The following CADPS2 variants were observed in gnomAD, a reference collection of about 807,000 sequenced individuals.
The protein encoded by CADPS2 is calcium dependent secretion activator 2.
A neutral mutation model predicts 172.5 loss-of-function variants in CADPS2; 93 were observed. That is an observed-to-expected ratio of 0.54 (90% CI 0.46 to 0.64). The LOEUF (loss-of-function observed/expected upper bound fraction) is 0.64, where lower values mean the gene tolerates loss of function less well. Ranked by LOEUF, CADPS2 falls within the 30% of genes least tolerant of loss-of-function variation. The pLI is 0.00. For synonymous variants in CADPS2, 546 were observed against 555.2 expected, an observed-to-expected ratio of 0.98 and a Z score of 0.23; for missense variants, 1,420 against 1,565.9, an observed-to-expected ratio of 0.91 and a Z score of 1.57.
At chr7:122,714,975 C>G (rs2089377707) in intron 2 of CADPS2, among the ~76,000 whole-genome samples, 1 of 152,028 alleles carries the variant, frequency 6.6e-6, no homozygotes, top group Non-Finnish European at 1.5e-5. Context: ...GTGGATGAAC[C>G]ACAGGAAGAC....
At chr7:122,348,293 AGATTAGACTATCATGAAACACT>A (rs1585168338) in intron 27 of CADPS2, among the ~76,000 whole-genome samples, 1 of 152,208 alleles carries the variant, frequency 6.6e-6, no homozygotes, top group East Asian at 1.9e-4. Context: ...ATCACTTATA[AGATTAGACTATCATGAAACACT>A]GTCCAGGAAG....
chr7:122,781,649 G>T (rs1792761379), intron 1 of CADPS2, among the ~76,000 whole-genome samples: 1 of 151,852 alleles, frequency 6.6e-6, no homozygotes, highest in Non-Finnish European at 1.5e-5. Flanking sequence ...CTAATCAATT[G>T]TCACCATCAT....
At position 122,565,233 on chromosome 7, in the gene CADPS2, A is replaced by T. The variant is rs535419513; in HGVS notation, c.1336-10544T>A. On this transcript the variant is annotated intron_variant, in intron 7 of 29. Transcript: ENST00000449022. The stretch of plus-strand genomic sequence containing the variant: ...TATACCCCCTGAATTTATAGAATTA[A>T]AAAAAAAAAAACTTCCCAATTTGCC... 5.1e-3 allele frequency among the ~76,000 whole-genome samples: 620 copies of T among 121,876 alleles called. 6 individuals are homozygous for T. Among genetic ancestry groups the T allele is most frequent in the African/African-American group, 0.018 (589 of 33,452 alleles). 80.0% of individuals were successfully genotyped at this position (121,876 alleles called of 152,430 possible).
chr7:122,321,821 T>A (rs2032609495), intron 29 of CADPS2, among the ~76,000 whole-genome samples: 1 of 152,236 alleles, frequency 6.6e-6, no homozygotes, highest in Admixed American at 6.5e-5. Flanking sequence ...CATATAATTT[T>A]CTGCAGCTAA....
At chr7:122,721,438 G>C (rs992308067) in intron 2 of CADPS2, among the ~76,000 whole-genome samples, 6 of 152,100 alleles carry the variant, frequency 3.9e-5, no homozygotes, top group Admixed American at 1.3e-4. Context: ...AGAAAATCTA[G>C]AAGAAATGGA....
At chr7:122,656,190 C>T (rs2079759721) in intron 3 of CADPS2, among the ~76,000 whole-genome samples, 1 of 152,160 alleles carries the variant, frequency 6.6e-6, no homozygotes, top group Non-Finnish European at 1.5e-5. Context: ...GGCTCCCAAA[C>T]TTTGCTGGAC....
At chr7:122,494,309 G>T (rs1194020693) in intron 9 of CADPS2, among the ~76,000 whole-genome samples, 2 of 152,102 alleles carry the variant, frequency 1.3e-5, no homozygotes, top group Non-Finnish European at 2.9e-5. Flanking sequence ...GTATCTCAAG[G>T]AAACAAATGG....
At chr7:122,494,656 T>G (rs2058589229) in intron 9 of CADPS2, among the ~76,000 whole-genome samples, 1 of 151,882 alleles carries the variant, frequency 6.6e-6, no homozygotes, top group South Asian at 2.1e-4. Context: ...TTTAAAAGAA[T>G]ATACATTATT....
intron 1 of CADPS2, among the ~76,000 whole-genome samples, chr7:122,855,657 C>G (rs1240065668): frequency 6.6e-6 from 1 of 152,036 alleles, no homozygotes; most frequent in South Asian, 2.1e-4. Context: ...GCAGGAAAAG[C>G]CTAGAAACAG....
rs118186770 is a variant in CADPS2 at position 122,683,482 on chromosome 7, A to G, written c.454-19913T>C. Among the ~76,000 whole-genome samples the G allele has an allele frequency of 6.7e-3, 1,014 of 152,240 alleles. 3 individuals carry two copies. The highest frequency in any genetic ancestry group is 0.012 in the Non-Finnish European group (786 of 68,004). ...AACCCAGTGGTTCTGTATCAATATCACTTTTAAAAATACTTTTTGTTTCGT... is the reference window on the plus strand; with the variant it reads ...AACCCAGTGGTTCTGTATCAATATCGCTTTTAAAAATACTTTTTGTTTCGT... On this transcript the variant is annotated intron_variant, in intron 2 of 29. Transcript: ENST00000449022.
intron 7 of CADPS2, among the ~76,000 whole-genome samples, chr7:122,567,920 AT>A (rs1449652641): frequency 6.6e-6 from 1 of 152,190 alleles, no homozygotes; most frequent in African/African-American, 2.4e-5. Context: ...TAAATGACAG[AT>A]TTAAGCTTAA....
At chr7:122,738,275 C>T (rs188684277) in intron 1 of CADPS2, among the ~76,000 whole-genome samples, 18 of 152,138 alleles carry the variant, frequency 1.2e-4, no homozygotes, top group South Asian at 4.2e-4. Context: ...AATTTCAAGA[C>T]GGCAGGAACA....
chr7:122,582,205 A>G (rs2132892777), intron 6 of CADPS2, among the ~76,000 whole-genome samples: 1 of 152,240 alleles, frequency 6.6e-6, no homozygotes. Flanking sequence ...GCTGTCTTGA[A>G]AAAACAAAAC....
At chr7:122,740,742 G>C (rs530805193) in intron 1 of CADPS2, among the ~76,000 whole-genome samples, 67 of 150,612 alleles carry the variant, frequency 4.4e-4, no homozygotes, top group Non-Finnish European at 7.0e-4. Context: ...AGATTAACTA[G>C]AAAAAAAAAT....
At position 122,513,269 on chromosome 7, in the gene CADPS2, GT is replaced by G; in HGVS notation, c.1521del (p.Lys507AsnfsTer6). 6.4e-7 allele frequency: 1 copy of G among 1,562,062 alleles called. No individual in the cohort carries two copies. The highest frequency in any genetic ancestry group is 8.7e-7 in the Non-Finnish European group (1 of 1,151,712). ...CTAACCTGAACTAGAACAAAGTAAC[GT>G]TTTTTCCATCTTTTCCAAACCTTCT... Reference protein sequence around the residue: ...LGQKVWKRWKKRYFVLVQVSQ... With the variant: ...LGQKVWKRWKXRYFVLVQVSQ... On this transcript the variant is annotated frameshift_variant, in exon 9 of 30. Transcript: ENST00000449022. LOFTEE classifies it high-confidence loss of function.
chr7:122,630,269 G>A (rs2076450587), intron 3 of CADPS2, among the ~76,000 whole-genome samples: 1 of 151,784 alleles, frequency 6.6e-6, no homozygotes, highest in Non-Finnish European at 1.5e-5. Context: ...ACTACAAATT[G>A]ACCAGGTTAC....
At chr7:122,616,296 T>C (rs2074911159) in intron 5 of CADPS2, among the ~76,000 whole-genome samples, 1 of 152,112 alleles carries the variant, frequency 6.6e-6, no homozygotes, top group South Asian at 2.1e-4. Context: ...AAAACATCTA[T>C]CATAAACATA....
At chr7:122,501,323 G>A (rs866476787) in intron 9 of CADPS2, among the ~76,000 whole-genome samples, 2 of 151,666 alleles carry the variant, frequency 1.3e-5, no homozygotes, top group African/African-American at 4.8e-5. Context: ...GCAAGGATTT[G>A]AAGATATTAC....
intron 3 of CADPS2, among the ~76,000 whole-genome samples, chr7:122,634,199 G>A (rs980923526): frequency 1.3e-5 from 2 of 152,182 alleles, no homozygotes; most frequent in South Asian, 4.2e-4. Context: ...GGATGAGTTA[G>A]GGAAGATTTT....
Sources: gnomAD v4.1 joint callset for allele counts (sites outside exome capture counted in the v4.1 genomes callset) on GRCh38, gnomAD v4.1.1 for gene constraint, MANE v1.5 for transcripts, NCBI Gene and HGNC (gene_info 2026-07-23, HGNC 2026-07-21) for gene names.